The following ARHGEF10L variants were observed in gnomAD, a reference collection of about 807,000 sequenced individuals.
ARHGEF10L encodes the protein Rho guanine nucleotide exchange factor 10 like.
A neutral mutation model predicts 141.2 loss-of-function variants in ARHGEF10L; 69 were observed. The ratio of observed to expected loss-of-function variants is 0.49; its 90% CI spans 0.40 to 0.60. The LOEUF is 0.60. Ranked by LOEUF, ARHGEF10L falls within the 20% of genes least tolerant of loss-of-function variation. The pLI, the probability that ARHGEF10L is intolerant of heterozygous loss-of-function variation, is 0.00. For synonymous variants in ARHGEF10L, 711 were observed against 718.5 expected (o/e 0.99, Z 0.17); for missense variants, 1,482 against 1,734.3 (o/e 0.85, Z 2.58).
rs186188741 is a variant in ARHGEF10L at position 17,573,638 on chromosome 1, G to A, written c.-43-6915G>A. Among the ~76,000 whole-genome samples, 507 of 152,134 alleles carry A rather than the reference G, an allele frequency of 3.3e-3. 5 individuals are homozygous for A. Among genetic ancestry groups the A allele is most frequent in the Non-Finnish European group, 5.4e-3 (365 of 67,966 alleles). On this transcript the variant is annotated intron_variant, in intron 1 of 28. Transcript: ENST00000361221. The surrounding 1 kb of genome is among the most constrained non-coding windows in gnomAD (Gnocchi z 4.8). ...GGGGCTGGAGATAGAGTCTGGGGCC[G>A]CCCCCCTCCCACGCTGTCCAGCCAC...
Position 17,586,944 on chromosome 1 carries a change from C to T in ARHGEF10L, c.38-516C>T, listed in dbSNP as rs1021421027. On this transcript the variant is annotated intron_variant, in intron 2 of 28. Transcript: ENST00000361221. The stretch of plus-strand genomic sequence containing the variant: ...TTCCCCTGCCCCAGCCAGTCTGTGC[C>T]CTAGTACCTGCAAGCTGGCTGCCTC... Among the ~76,000 whole-genome samples the T allele has an allele frequency of 3.3e-5, 5 of 152,234 alleles. No individual in the cohort carries two copies. In the South Asian group the frequency reaches 1.0e-3, roughly 32 times the overall value.
At position 17,607,709 on chromosome 1, in the gene ARHGEF10L, GC is replaced by G; in HGVS notation, c.434-89del. On this transcript the variant is annotated intron_variant, in intron 6 of 28. Coordinates refer to ENST00000361221, the MANE Select transcript of ARHGEF10L (RefSeq NM_018125.4). The surrounding 1 kb of genome is among the most constrained non-coding windows in gnomAD (Gnocchi z 4.5). ...CCCATGTTCTCCCTGACCCCCCCTC[GC>G]CCCACCTGGGTTCAGAAATTGGGTC... 7.6e-7 allele frequency: 1 copy of G among 1,314,902 alleles called. No individual in the cohort carries two copies. 81.5% of individuals were successfully genotyped at this position (1,314,902 alleles called of 1,614,324 possible).
At chr1:17,545,657 T>A (rs544496509) in intron 1 of ARHGEF10L, among the ~76,000 whole-genome samples, 1 of 152,206 alleles carries the variant, frequency 6.6e-6, no homozygotes, top group African/African-American at 2.4e-5. Flanking sequence ...GTCCAGGACA[T>A]GGGTGGCTAG....
At chr1:17,685,682 A>T (rs541360686) in intron 26 of ARHGEF10L, among the ~76,000 whole-genome samples, 1 of 152,342 alleles carries the variant, frequency 6.6e-6, no homozygotes, top group South Asian at 2.1e-4. Flanking sequence ...TTACACCCAC[A>T]CCAGACACAT....
chr1:17,580,660 C>T, intron 2 of ARHGEF10L, 28 bp downstream of exon 2: 2 of 1,614,098 alleles, frequency 1.2e-6, no homozygotes, highest in Non-Finnish European at 1.7e-6. Flanking sequence ...TCCTGTCCCT[C>T]TCATCCTTTC....
chr1:17,646,377 A>G (rs950283170), intron 21 of ARHGEF10L, among the ~76,000 whole-genome samples: 4 of 152,198 alleles, frequency 2.6e-5, no homozygotes, highest in Admixed American at 6.5e-5. Context: ...TCGTGGGTAC[A>G]TCTGACAAAC....
the ARHGEF10L span, among the ~76,000 whole-genome samples, chr1:17,515,888 C>T: frequency 1.9e-3 from 291 of 152,284 alleles, 1 homozygote; most frequent in African/African-American, 6.6e-3. Context: ...GAGATCTGCC[C>T]GCCTGAGTCA....
chr1:17,680,630 G>A (rs1279853096), intron 26 of ARHGEF10L, among the ~76,000 whole-genome samples: 1 of 152,164 alleles, frequency 6.6e-6, no homozygotes, highest in African/African-American at 2.4e-5. Context: ...GTGCCCCAGA[G>A]GCGTGTTCTC....
chr1:17,625,071 G>A lies in ARHGEF10L; in HGVS notation c.1317+568G>A, dbSNP rs991543940. On this transcript the variant is annotated intron_variant, in intron 13 of 28. Coordinates refer to ENST00000361221, the MANE Select transcript of ARHGEF10L (RefSeq NM_018125.4). This position sits in a 1 kb window ranked among gnomAD's most constrained non-coding sequence, Gnocchi z 4.5. ...GCAACTGGGCTAGGTGCCAGGACAC[G>A]CACACATGTGCCGGCAGCACAGGTT... Among the ~76,000 whole-genome samples, 7 of 152,212 alleles carry A rather than the reference G, an allele frequency of 4.6e-5. No individual in the cohort carries two copies. Among genetic ancestry groups the A allele is most frequent in the East Asian group, 1.9e-4 (1 of 5,192 alleles).
intron 1 of ARHGEF10L, among the ~76,000 whole-genome samples, chr1:17,574,784 G>T (rs892817841): frequency 1.3e-5 from 2 of 152,240 alleles, no homozygotes; most frequent in Non-Finnish European, 2.9e-5. Context: ...TGGGCATCTT[G>T]CTGCCCTGCG....
At chr1:17,557,031 C>A in intron 1 of ARHGEF10L, among the ~76,000 whole-genome samples, 1 of 135,754 alleles carries the variant, frequency 7.4e-6, no homozygotes, top group African/African-American at 2.7e-5. Flanking sequence ...GACTCCATCT[C>A]TTAAAAAAAA....
chr1:17,626,166 A>G, intron 14 of ARHGEF10L, 118 bp downstream of exon 14: 2 of 769,698 alleles, frequency 2.6e-6, no homozygotes, highest in Non-Finnish European at 4.3e-6. Context: ...AACCCACCCA[A>G]CCTGCTGTGG....
chr1:17,515,723 AC>A, the ARHGEF10L span, among the ~76,000 whole-genome samples: 1 of 151,630 alleles, frequency 6.6e-6, no homozygotes, highest in East Asian at 1.9e-4. Context: ...GCTTATTGCA[AC>A]CTATGCCTCC....
intron 1 of ARHGEF10L, among the ~76,000 whole-genome samples, chr1:17,560,207 A>G (rs767335165): frequency 9.9e-5 from 15 of 152,050 alleles, no homozygotes; most frequent in Non-Finnish European, 1.3e-4. Flanking sequence ...GGGCTGCTGT[A>G]TCTATTTTAC....
intron 26 of ARHGEF10L, among the ~76,000 whole-genome samples, chr1:17,672,059 T>C (rs1355863922): frequency 1.3e-5 from 2 of 152,166 alleles, no homozygotes; most frequent in African/African-American, 4.8e-5. Flanking sequence ...CTGCTCTGCA[T>C]CTGATGCCTC....
At position 17,621,528 on chromosome 1, in the gene ARHGEF10L, T is replaced by C. The variant is rs2060107531; in HGVS notation, c.943-336T>C. Among the ~76,000 whole-genome samples, 1 of 152,204 alleles carries C rather than the reference T, an allele frequency of 6.6e-6. No individual in the cohort carries two copies. Among genetic ancestry groups the C allele is most frequent in the Non-Finnish European group, 1.5e-5 (1 of 68,026 alleles). On this transcript the variant is annotated intron_variant, in intron 10 of 28. Transcript: ENST00000361221. This position sits in a 1 kb window ranked among gnomAD's most constrained non-coding sequence, Gnocchi z 4.1. ...GATTACAAGCATGAGCCACCTTGCC[T>C]GGCCTAGGATTTTCTATTAGAGTTG...
chr1:17,535,439 A>G (rs1159126471), upstream of ARHGEF10L, among the ~76,000 whole-genome samples: 1 of 152,192 alleles, frequency 6.6e-6, no homozygotes, highest in Non-Finnish European at 1.5e-5. Flanking sequence ...GGACCCCTGC[A>G]CTATGGAGCT....
In ARHGEF10L at chr1:17,690,846, G is replaced by A. The variant is rs550256898; in HGVS notation, c.3184+3099G>A. Among the ~76,000 whole-genome samples the A allele has an allele frequency of 1.1e-3, 172 of 152,336 alleles. 2 individuals are homozygous for A. The highest frequency in any genetic ancestry group is 2.1e-3 in the Non-Finnish European group (145 of 68,026). The stretch of plus-strand genomic sequence containing the variant: ...GGGGGCAGCTGCAGATCCACCCCAC[G>A]TTGTGCCTTTGCAGAAGCGCAACAC... On this transcript the variant is annotated intron_variant, in intron 27 of 28. Transcript: ENST00000361221.
chr1:17,654,846 A>C lies in ARHGEF10L; in HGVS notation c.2481+124A>C, dbSNP rs751486524. On this transcript the variant is annotated intron_variant, in intron 23 of 28. Coordinates refer to ENST00000361221, the MANE Select transcript of ARHGEF10L (RefSeq NM_018125.4). The surrounding 1 kb of genome is among the most constrained non-coding windows in gnomAD (Gnocchi z 4.3). ...TCATCTCATGCAGCTTCATCCACCAAGGTCTTCCTGGGCACCTCTGGTGCC... is the reference window on the plus strand; with the variant it reads ...TCATCTCATGCAGCTTCATCCACCACGGTCTTCCTGGGCACCTCTGGTGCC... 9 of 934,404 alleles carry C rather than the reference A, an allele frequency of 9.6e-6. No homozygotes were observed. The highest frequency in any genetic ancestry group is 1.5e-5 in the Non-Finnish European group (9 of 585,882). The allele number at this position is 934,404 out of a possible 1,614,324, so 57.9% of individuals were successfully genotyped here.
Sources: allele counts gnomAD v4.1 joint callset (sites outside exome capture counted in the v4.1 genomes callset), GRCh38; gene constraint gnomAD v4.1.1; non-coding constraint Gnocchi (gnomAD v3.1); transcripts MANE v1.5; gene names NCBI Gene and HGNC (gene_info 2026-07-23, HGNC 2026-07-21).